GSDMA: variants seen among roughly 807,000 people sequenced by gnomAD.
GSDMA encodes the protein gasdermin-A.
A neutral mutation model predicts 54.3 loss-of-function variants in GSDMA; 55 were observed. That is an observed-to-expected ratio of 1.01 (90% CI 0.82 to 1.27). GSDMA has a LOEUF of 1.27. GSDMA is among the 50% of genes most tolerant of loss of function. The pLI is 0.00. For missense variants in GSDMA, 542 were observed against 542.6 expected (o/e 1.00, Z 0.01); for synonymous variants, 211 against 224.7 (o/e 0.94, Z 0.54).
At chr17:39,966,562 G>A in intron 3 of GSDMA, 125 bp downstream of exon 3, 1 of 873,050 alleles carries the variant, frequency 1.1e-6, no homozygotes, top group Non-Finnish European at 1.7e-6. Context: ...GGTCATGACA[G>A]GGGAGCTCTT....
chr17:39,972,100 T>TAGCCC, intron 5 of GSDMA, 29 bp from the exon 6 acceptor site: 2 of 835,092 alleles, frequency 2.4e-6, no homozygotes, highest in Admixed American at 1.9e-5. Context: ...CTAAGTGTCC[T>TAGCCC]CCCACCCTCC....
At chr17:39,967,560 G>A (rs1979725040) in intron 3 of GSDMA, among the ~76,000 whole-genome samples, 1 of 152,214 alleles carries the variant, frequency 6.6e-6, no homozygotes, top group African/African-American at 2.4e-5. Context: ...GCACCAGGAA[G>A]ATCCTGAAAA....
At position 39,977,287 on chromosome 17, in the gene GSDMA, CT is replaced by C. The variant is rs1245637112; in HGVS notation, c.*233del. On this transcript the variant is annotated 3_prime_UTR_variant, in exon 12 of 12. Coordinates refer to ENST00000301659, the MANE Select transcript of GSDMA (RefSeq NM_178171.5). ...TGATGCTTAAATTTTCTTTACTTTT[CT>C]TTTCTTTTTTTTTTTTTTTTTGAGA... 2.4e-5 allele frequency: 7 copies of C among 296,416 alleles called. No individual in the cohort carries two copies. In the East Asian group the frequency reaches 2.5e-4, roughly 11 times the overall value. 18.4% of individuals were successfully genotyped at this position (296,416 alleles called of 1,614,324 possible).
intron 1 of GSDMA, among the ~76,000 whole-genome samples, chr17:39,964,743 C>G (rs1979558757): frequency 6.6e-6 from 1 of 152,126 alleles, no homozygotes; most frequent in African/African-American, 2.4e-5. Context: ...GCTCTTGTTG[C>G]CAGCAGCATC....
chr17:39,968,247 T>C (rs1294693433), intron 3 of GSDMA, among the ~76,000 whole-genome samples: 1 of 150,536 alleles, frequency 6.6e-6, no homozygotes, highest in African/African-American at 2.4e-5. Context: ...ACCATGTTAG[T>C]CAGGCTGGTC....
intron 8 of GSDMA, 129 bp downstream of exon 8, chr17:39,973,959 CT>C: frequency 1.1e-6 from 1 of 931,670 alleles, no homozygotes; most frequent in Non-Finnish European, 1.7e-6. Flanking sequence ...TCTTTCTCCA[CT>C]TTTTGCTGGA....
intron 11 of GSDMA, among the ~76,000 whole-genome samples, chr17:39,976,348 G>A (rs1980200138): frequency 6.7e-6 from 1 of 149,384 alleles, no homozygotes; most frequent in Admixed American, 6.7e-5. Context: ...GTGCGATCTT[G>A]GCTCACCACA....
chr17:39,974,230 G>T, intron 8 of GSDMA, 43 bp from the exon 9 acceptor site: 1 of 1,560,390 alleles, frequency 6.4e-7, no homozygotes, highest in Non-Finnish European at 8.7e-7. Context: ...TGGAGAGGAA[G>T]GTGCCCGATG....
At chr17:39,974,823 A>C in intron 9 of GSDMA, 77 bp from the exon 10 acceptor site, 1 of 772,584 alleles carries the variant, frequency 1.3e-6, no homozygotes, top group South Asian at 1.6e-5. Flanking sequence ...CCGCATGTCA[A>C]GGGGTTATTA....
intron 4 of GSDMA, 96 bp from the exon 5 acceptor site, chr17:39,971,428 T>C: frequency 1.2e-6 from 1 of 861,198 alleles, no homozygotes; most frequent in Admixed American, 2.1e-5. Context: ...CCCTGAAGGC[T>C]CTCAGCCCTG....
rs146527741 is a variant in GSDMA, at chr17:39,975,305, C to T, written c.1021+291C>T. Among the ~76,000 whole-genome samples the T allele has an allele frequency of 6.5e-3, 992 of 152,088 alleles. 29 individuals are homozygous for T. The highest frequency in any genetic ancestry group is 0.062 in the East Asian group (320 of 5,150). On this transcript the variant is annotated intron_variant, in intron 10 of 11. Coordinates refer to ENST00000301659, the MANE Select transcript of GSDMA (RefSeq NM_178171.5). ...CTCTTCCAAAAATAGAAAAATTAGCCGGGCGTGGTGGCAGGTGCCTGTAAT... is the reference window on the plus strand; with the variant it reads ...CTCTTCCAAAAATAGAAAAATTAGCTGGGCGTGGTGGCAGGTGCCTGTAAT...
intron 1 of GSDMA, among the ~76,000 whole-genome samples, chr17:39,965,281 G>A (rs1236996535): frequency 3.0e-5 from 4 of 135,280 alleles, no homozygotes; most frequent in African/African-American, 1.1e-4. Flanking sequence ...AAGGAAGGAA[G>A]GAAGGAAAGA....
At chr17:39,976,685 G>A (rs1980213426) in intron 11 of GSDMA, 131 bp from the exon 12 acceptor site, 2 of 1,219,896 alleles carry the variant, frequency 1.6e-6, no homozygotes, top group African/African-American at 1.5e-5. Flanking sequence ...CAAAGACCCA[G>A]ATGGGGTTGT....
At position 39,968,339 on chromosome 17, in the gene GSDMA, C is replaced by CTTTTTTTTTTTTTTTTTTTTTTT. The variant is rs60315845; in HGVS notation, c.392+1906_392+1928dup. On this transcript the variant is annotated intron_variant, in intron 3 of 11. Transcript: ENST00000301659. The stretch of plus-strand genomic sequence containing the variant: ...ACAGGCGTGAGCCACTGAGCCCGGT[C>CTTTTTTTTTTTTTTTTTTTTTTT]TTTTTTTTTTTTTTTTTTTTTTTTT... Among the ~76,000 whole-genome samples, 10 of 41,364 alleles carry CTTTTTTTTTTTTTTTTTTTTTTT rather than the reference C, an allele frequency of 2.4e-4. 4 individuals carry two copies. The highest frequency in any genetic ancestry group is 4.9e-4 in the African/African-American group (3 of 6,184). The allele number at this position is 41,364 out of a possible 152,430, so 27.1% of individuals were successfully genotyped here.
At chr17:39,965,332 G>A (rs1006856114) in intron 1 of GSDMA, among the ~76,000 whole-genome samples, 1 of 149,966 alleles carries the variant, frequency 6.7e-6, no homozygotes, top group Non-Finnish European at 1.5e-5. Context: ...AAGAAAGAAA[G>A]AAAAAGAAAA....
At chr17:39,974,480 G>A in intron 9 of GSDMA, 53 bp downstream of exon 9, 1 of 1,437,168 alleles carries the variant, frequency 7.0e-7, no homozygotes, top group African/African-American at 1.4e-5. Flanking sequence ...TTTTGGTGAA[G>A]ATTTGGTGGG....
At chr17:39,974,499 T>TTGCAGCAG in intron 9 of GSDMA, 72 bp downstream of exon 9, 1 of 1,454,496 alleles carries the variant, frequency 6.9e-7, no homozygotes, top group Non-Finnish European at 9.2e-7. Flanking sequence ...GGGGCGGGTA[T>TTGCAGCAG]TGCAGCAGGT....
rs9909579 is a variant in GSDMA at position 39,976,247 on chromosome 17, G to A, written c.1095+250G>A. On this transcript the variant is annotated intron_variant, in intron 11 of 11. Coordinates refer to ENST00000301659, the MANE Select transcript of GSDMA (RefSeq NM_178171.5). Reference sequence around the variant, plus strand: ...GAGAAGAGACAGAAACTGTGGCTTTGCTTATTCCTAGCCAAATATTGTAAG... The same window carrying A: ...GAGAAGAGACAGAAACTGTGGCTTTACTTATTCCTAGCCAAATATTGTAAG... Among the ~76,000 whole-genome samples, 293 of 151,032 alleles carry A rather than the reference G, an allele frequency of 1.9e-3. 2 individuals carry two copies. The highest frequency in any genetic ancestry group is 6.8e-3 in the African/African-American group (281 of 41,130).
In GSDMA at chr17:39,966,316, G is replaced by A. The variant is rs772442575; in HGVS notation, c.271G>A (p.Gly91Arg). 1 of 1,613,992 alleles carries A rather than the reference G, an allele frequency of 6.2e-7. No homozygotes were observed. The highest frequency in any genetic ancestry group is 1.1e-5 in the South Asian group (1 of 91,084). ...FKNMLDTRVE[G>R]DVDVPKTVKV... ...GAATATGCTGGACACCCGAGTGGAGGGAGATGTGGATGTACCAAAGACGGT... is the reference window on the plus strand; with the variant it reads ...GAATATGCTGGACACCCGAGTGGAGAGAGATGTGGATGTACCAAAGACGGT... The change falls in exon 3 of 12, where the codon GGA becomes AGA. Residue 91 changes from glycine (G) to arginine (R), a missense_variant. Coordinates refer to ENST00000301659, the MANE Select transcript of GSDMA (RefSeq NM_178171.5).
Sources: gnomAD v4.1 joint callset for allele counts (sites outside exome capture counted in the v4.1 genomes callset) on GRCh38, gnomAD v4.1.1 for gene constraint, MANE v1.5 for transcripts, NCBI Gene and HGNC (gene_info 2026-07-23, HGNC 2026-07-21) for gene names.